PCDHGA2: variants seen among roughly 807,000 people sequenced by gnomAD.
The protein encoded by PCDHGA2 is protocadherin gamma-A2.
PCDHGA2 carries 40 observed loss-of-function variants against 59.2 expected under a neutral mutation model. The observed-to-expected ratio is 0.68, with a 90% CI of 0.52 to 0.88. The LOEUF is 0.88. Ranked by LOEUF, PCDHGA2 falls within the 40% of genes least tolerant of loss-of-function variation. The pLI is 0.00. For synonymous variants in PCDHGA2, 560 were observed against 526.0 expected (o/e 1.06, Z -0.89); for missense variants, 1,226 against 1,204.0 (o/e 1.02, Z -0.27).
chr5:141,351,476 C>T (rs189413445), intron 1 of PCDHGA2: 164 of 1,613,814 alleles, frequency 1.0e-4, no homozygotes, highest in Middle Eastern at 9.9e-4. Flanking sequence ...TGCTGGAGCC[C>T]TAAACCGGGA....
chr5:141,362,373 T>A (rs1281253972), intron 1 of PCDHGA2: 2 of 1,614,038 alleles, frequency 1.2e-6, no homozygotes, highest in Non-Finnish European at 1.7e-6. Flanking sequence ...ACAGTGAGGG[T>A]ACATTGCCCT....
At position 141,376,027 on chromosome 5, in the gene PCDHGA2, C is replaced by T. The variant is rs750383085; in HGVS notation, c.2424+34632C>T. The T allele has an allele frequency of 1.9e-6, 3 of 1,613,250 alleles. No homozygotes were observed. In the East Asian group the frequency reaches 6.7e-5, roughly 36 times the overall value. ...AGAGCCTAGTGGTGGCCGTCCAGGACCACGGCCAGCCCCCTCTCTCCGCCA... is the reference window on the plus strand; with the variant it reads ...AGAGCCTAGTGGTGGCCGTCCAGGATCACGGCCAGCCCCCTCTCTCCGCCA... On this transcript the variant is annotated intron_variant, in intron 1 of 3. Coordinates refer to ENST00000394576, the MANE Select transcript of PCDHGA2 (RefSeq NM_018915.4).
intron 1 of PCDHGA2, chr5:141,419,027 G>A (rs1415215066): frequency 6.2e-7 from 1 of 1,613,870 alleles, no homozygotes; most frequent in Admixed American, 1.7e-5. Flanking sequence ...AAGTAGAGGT[G>A]TTCCATTTAA....
intron 2 of PCDHGA2, among the ~76,000 whole-genome samples, chr5:141,500,928 G>A (rs2099803943): frequency 6.6e-6 from 1 of 151,476 alleles, no homozygotes; most frequent in African/African-American, 2.4e-5. Context: ...GGGTGCAGTG[G>A]CGCCATCTCG....
rs1200950542 is a variant in PCDHGA2, at chr5:141,409,998, G to A, written c.2424+68603G>A. 4 of 1,613,236 alleles carry A rather than the reference G, an allele frequency of 2.5e-6. No homozygotes were observed. In the Admixed American group the frequency reaches 6.7e-5, roughly 27 times the overall value. On this transcript the variant is annotated intron_variant, in intron 1 of 3. Coordinates refer to ENST00000394576, the MANE Select transcript of PCDHGA2 (RefSeq NM_018915.4). ...GTGGTAGCGGTGGACGCCGACTCGGGACACAACGCCTGGCTGTCCTACCAC... is the reference window on the plus strand; with the variant it reads ...GTGGTAGCGGTGGACGCCGACTCGGAACACAACGCCTGGCTGTCCTACCAC...
chr5:141,461,438 T>C (rs1034260263), intron 1 of PCDHGA2, among the ~76,000 whole-genome samples: 3 of 152,200 alleles, frequency 2.0e-5, no homozygotes, highest in African/African-American at 7.2e-5. Flanking sequence ...GTATACCTTC[T>C]TTTGAGAAAT....
In PCDHGA2 at chr5:141,340,854, C is replaced by T; in HGVS notation, c.1883C>T (p.Thr628Met). 6.2e-7 allele frequency: 1 copy of T among 1,613,598 alleles called. No homozygotes were observed. Among genetic ancestry groups the T allele is most frequent in the South Asian group, 1.1e-5 (1 of 91,040 alleles). The part of the protein sequence containing the change: ...SVGLHTGEVR[T>M]ARALLDRDAL... ...GGTCTGCACACGGGCGAGGTGCGCA[C>T]GGCGCGAGCCCTGCTGGACAGAGAC... is the stretch of plus-strand genomic sequence containing the variant. The change falls in exon 1 of 4, where the codon ACG becomes ATG. Residue 628 changes from threonine to methionine, a missense_variant. Transcript: ENST00000394576.
chr5:141,371,003 A>G (rs945261754), intron 1 of PCDHGA2: 20 of 1,613,844 alleles, frequency 1.2e-5, no homozygotes, highest in Non-Finnish European at 1.6e-5. Flanking sequence ...TGGACAGGGA[A>G]GAGCAGCCAC....
At chr5:141,509,573 C>G (rs372901649) in intron 3 of PCDHGA2, among the ~76,000 whole-genome samples, 4 of 152,164 alleles carry the variant, frequency 2.6e-5, no homozygotes, top group Admixed American at 2.6e-4. Context: ...CTTCACAGTG[C>G]GTACAAATCA....
At chr5:141,376,675 C>CGTTTTTT (rs1773024325) in intron 1 of PCDHGA2, 1 of 343,980 alleles carries the variant, frequency 2.9e-6, no homozygotes, top group African/African-American at 3.4e-5. Context: ...GTGAGGGTAT[C>CGTTTTTT]GTTTTTTTTT....
At chr5:141,350,364 T>G (rs1179382861) in intron 1 of PCDHGA2, 4 of 1,579,086 alleles carry the variant, frequency 2.5e-6, no homozygotes, top group Non-Finnish European at 2.6e-6. Context: ...CGATACACGA[T>G]TCCAGAGGAG....
At chr5:141,354,965 A>G (rs1437220880) in intron 1 of PCDHGA2, 10 of 506,296 alleles carry the variant, frequency 2.0e-5, no homozygotes. Context: ...ACAGGTTAAG[A>G]CTCTGGGTGT....
chr5:141,360,337 G>A (rs752357718), intron 1 of PCDHGA2: 1 of 1,613,974 alleles, frequency 6.2e-7, no homozygotes, highest in East Asian at 2.2e-5. Context: ...GAAGCTGCGG[G>A]TTAGCGCGGA....
chr5:141,398,584 A>T lies in PCDHGA2; in HGVS notation c.2424+57189A>T, dbSNP rs201021035. On this transcript the variant is annotated intron_variant, in intron 1 of 3. Transcript: ENST00000394576. Reference sequence around the variant, plus strand: ...GTCTGCACAGCCTGGCACAAGATTTATACTAGAAGTAGCAGAAGATGCAGA... The same window carrying T: ...GTCTGCACAGCCTGGCACAAGATTTTTACTAGAAGTAGCAGAAGATGCAGA... 1.9e-6 allele frequency: 3 copies of T among 1,614,066 alleles called. No homozygotes were observed. In the South Asian group the frequency reaches 3.3e-5, roughly 18 times the overall value.
chr5:141,448,545 A>T lies in PCDHGA2; in HGVS notation c.2425-46262A>T, dbSNP rs537259621. On this transcript the variant is annotated intron_variant, in intron 1 of 3. Coordinates refer to ENST00000394576, the MANE Select transcript of PCDHGA2 (RefSeq NM_018915.4). ...AGCATCCTGTCAGCATTTCTTATGC[A>T]AATATGTACATATATTTTTATTTCC... 1.5e-4 allele frequency among the ~76,000 whole-genome samples: 23 copies of T among 152,334 alleles called. 1 individual carries two copies. The South Asian group carries it at 2.7e-3, about 18-fold the overall frequency.
At chr5:141,470,227 C>A (rs1387947362) in intron 1 of PCDHGA2, among the ~76,000 whole-genome samples, 1 of 152,160 alleles carries the variant, frequency 6.6e-6, no homozygotes, top group Non-Finnish European at 1.5e-5. Flanking sequence ...AGCTTCTTCA[C>A]CAAACCCTTG....
chr5:141,420,613 A>G (rs536307424), intron 1 of PCDHGA2, among the ~76,000 whole-genome samples: 53 of 152,194 alleles, frequency 3.5e-4, no homozygotes, highest in Non-Finnish European at 1.9e-4. Flanking sequence ...CAAGTATTTC[A>G]TCTTCATTTA....
rs773014837 is a variant in PCDHGA2 at position 141,374,968 on chromosome 5, T to G, written c.2424+33573T>G. 114 of 1,614,056 alleles carry G rather than the reference T, an allele frequency of 7.1e-5. No individual in the cohort carries two copies. The highest frequency in any genetic ancestry group is 3.3e-4 in the Middle Eastern group (2 of 6,062). On this transcript the variant is annotated intron_variant, in intron 1 of 3. Transcript: ENST00000394576. ...AGATCTCACAAATTTTCTGTTTGAA[T>G]GTTTTGACTGGAGAAATTTCAACTT... is the stretch of plus-strand genomic sequence containing the variant.
At chr5:141,448,185 G>A (rs2098572532) in intron 1 of PCDHGA2, among the ~76,000 whole-genome samples, 1 of 152,020 alleles carries the variant, frequency 6.6e-6, no homozygotes, top group Non-Finnish European at 1.5e-5. Flanking sequence ...CCCTGGTTAT[G>A]TACACTTACA....
Sources: allele counts gnomAD v4.1 joint callset (sites outside exome capture counted in the v4.1 genomes callset), GRCh38; gene constraint gnomAD v4.1.1; transcripts MANE v1.5; gene names NCBI Gene and HGNC (gene_info 2026-07-23, HGNC 2026-07-21).